Variants in CPNE4 observed in about 807,000 individuals in gnomAD.
CPNE4 encodes copine 4.
CPNE4 carries 25 observed loss-of-function variants against 67.9 expected under a neutral mutation model. The observed-to-expected ratio is 0.37, with a 90% CI of 0.27 to 0.51. The LOEUF (loss-of-function observed/expected upper bound fraction) is 0.51. Ranked by LOEUF, CPNE4 falls within the 20% of genes least tolerant of loss-of-function variation. The pLI is 0.93. For missense variants in CPNE4, 464 were observed against 690.8 expected (o/e 0.67, Z 3.68); for synonymous variants, 242 against 244.9 (o/e 0.99, Z 0.11).
At chr3:132,002,788 C>A (rs1255899066) in intron 1 of CPNE4, among the ~76,000 whole-genome samples, 1 of 152,002 alleles carries the variant, frequency 6.6e-6, no homozygotes, top group Non-Finnish European at 1.5e-5. Context: ...AACAAGTATC[C>A]TTTGTAATAA....
chr3:131,727,078 T>C (rs2082017691), intron 2 of CPNE4, among the ~76,000 whole-genome samples: 1 of 152,346 alleles, frequency 6.6e-6, no homozygotes, highest in Admixed American at 6.5e-5. Flanking sequence ...TCATGTGATA[T>C]AGTTGTATAC....
At chr3:131,792,685 G>GTGTGTATA (rs2083783970) in intron 2 of CPNE4, among the ~76,000 whole-genome samples, 2 of 42,942 alleles carry the variant, frequency 4.7e-5, no homozygotes, top group African/African-American at 2.1e-4. Context: ...ATATACACAC[G>GTGTGTATA]TGTATATATA....
intron 2 of CPNE4, among the ~76,000 whole-genome samples, chr3:131,727,697 A>C (rs1410287219): frequency 2.0e-5 from 3 of 152,144 alleles, no homozygotes; most frequent in Admixed American, 2.0e-4. Context: ...CAATCAAGAG[A>C]GTGAGCATAT....
intron 2 of CPNE4, among the ~76,000 whole-genome samples, chr3:131,806,104 A>G (rs2084298959): frequency 6.6e-6 from 1 of 152,226 alleles, no homozygotes; most frequent in Non-Finnish European, 1.5e-5. Context: ...CTTAAATATA[A>G]CTGGATGCTT....
rs773483681 is a variant in CPNE4 at position 131,581,575 on chromosome 3, A to C, written c.867+4T>G. ...ACTCCTGGAAGAGAGGGTTGTGTACATACCTTGCACAGATTCAGAATCACA... is the reference window on the plus strand; with the variant it reads ...ACTCCTGGAAGAGAGGGTTGTGTACCTACCTTGCACAGATTCAGAATCACA... On this transcript the variant is annotated splice_donor_region_variant and intron_variant, in intron 9 of 15. Transcript: ENST00000429747. The C allele has an allele frequency of 7.5e-6, 12 of 1,603,632 alleles. No homozygotes were observed. In the East Asian group the frequency reaches 2.2e-4, roughly 30 times the overall value.
intron 10 of CPNE4, among the ~76,000 whole-genome samples, chr3:131,570,907 T>C (rs549554762): frequency 1.3e-5 from 2 of 152,098 alleles, no homozygotes; most frequent in Non-Finnish European, 2.9e-5. Flanking sequence ...ATAGTCTGAT[T>C]CTAGCTTAAA....
intron 2 of CPNE4, among the ~76,000 whole-genome samples, chr3:131,859,268 C>T (rs150815415): frequency 0.013 from 2,009 of 152,158 alleles, 43 homozygotes; most frequent in African/African-American, 0.044. Flanking sequence ...TATATGGTAA[C>T]CTCATCCATG....
chr3:131,801,271 T>C (rs990149590), intron 2 of CPNE4, among the ~76,000 whole-genome samples: 4 of 149,530 alleles, frequency 2.7e-5, no homozygotes, highest in African/African-American at 9.9e-5. Flanking sequence ...TGAAATAGGG[T>C]CCGCTTTGTT....
In CPNE4 at chr3:131,943,434, G is replaced by A. The variant is rs528303454; in HGVS notation, c.-1-37990C>T. Among the ~76,000 whole-genome samples, 6 of 152,248 alleles carry A rather than the reference G, an allele frequency of 3.9e-5. No individual in the cohort carries two copies. In the South Asian group the frequency reaches 1.2e-3, roughly 32 times the overall value. ...ATGAAAAGAGTTCTTACCTATCACA[G>A]GACCTGATACAGATCTGAGAGCTCA... On this transcript the variant is annotated intron_variant, in intron 1 of 15. Coordinates refer to ENST00000429747, the MANE Select transcript of CPNE4 (RefSeq NM_130808.3).
intron 2 of CPNE4, among the ~76,000 whole-genome samples, chr3:131,888,547 A>C (rs1283403890): frequency 6.6e-6 from 1 of 152,154 alleles, no homozygotes; most frequent in Non-Finnish European, 1.5e-5. Flanking sequence ...CTATAAACTG[A>C]CCCCAAGAAC....
chr3:131,611,047 A>T (rs79116710), intron 7 of CPNE4, among the ~76,000 whole-genome samples: 4,279 of 152,298 alleles, frequency 0.028, 67 homozygotes, highest in Middle Eastern at 0.051. Context: ...GTGATATAAA[A>T]TTCCTGTTTT....
chr3:131,943,118 G>A (rs1205296146), intron 1 of CPNE4, among the ~76,000 whole-genome samples: 1 of 152,124 alleles, frequency 6.6e-6, no homozygotes, highest in African/African-American at 2.4e-5. Context: ...TAACACCCAC[G>A]GAGGGCATTA....
At chr3:131,869,017 G>A (rs2087080195) in intron 2 of CPNE4, among the ~76,000 whole-genome samples, 1 of 152,158 alleles carries the variant, frequency 6.6e-6, no homozygotes, top group Admixed American at 6.6e-5. Flanking sequence ...ACGTTACCAA[G>A]GTTGCTGTGA....
rs1254151346 is a variant in CPNE4, at chr3:131,596,446, C to T, written c.682-8864G>A. On this transcript the variant is annotated intron_variant, in intron 7 of 15. Coordinates refer to ENST00000429747, the MANE Select transcript of CPNE4 (RefSeq NM_130808.3). ...GACCATCCCGGCTAAAACGGTGAAA[C>T]CCCGTCTCTACTAAAAATACAAAAA... is the stretch of plus-strand genomic sequence containing the variant. 2.4e-5 allele frequency among the ~76,000 whole-genome samples: 3 copies of T among 123,232 alleles called. 1 individual carries two copies. The highest frequency in any genetic ancestry group is 4.6e-4 in the East Asian group (2 of 4,378). 80.8% of individuals were successfully genotyped at this position (123,232 alleles called of 152,430 possible). A position where few individuals can be genotyped will look rare whatever the true frequency, so the allele number is the denominator to read the frequency against.
chr3:131,560,675 T>C (rs1284189570), intron 11 of CPNE4, among the ~76,000 whole-genome samples: 1 of 152,068 alleles, frequency 6.6e-6, no homozygotes, highest in African/African-American at 2.4e-5. Flanking sequence ...AATTTTTCTG[T>C]CTTTACAGCT....
chr3:132,036,891 A>G (rs547884456), upstream of CPNE4, among the ~76,000 whole-genome samples: 4 of 152,340 alleles, frequency 2.6e-5, no homozygotes, highest in East Asian at 7.7e-4. Context: ...ATTTCCAGGC[A>G]ATCTGTTAGG....
intron 2 of CPNE4, among the ~76,000 whole-genome samples, chr3:131,790,474 C>A (rs985769547): frequency 2.0e-5 from 3 of 152,128 alleles, no homozygotes; most frequent in African/African-American, 7.2e-5. Flanking sequence ...CTCTAACAGG[C>A]ACCTTTCTTA....
intron 2 of CPNE4, among the ~76,000 whole-genome samples, chr3:131,786,132 T>C (rs2083556619): frequency 6.6e-6 from 1 of 152,166 alleles, no homozygotes. Flanking sequence ...TTAGATCTTA[T>C]AGCTTTATGA....
chr3:131,748,231 T>A (rs374562202), intron 2 of CPNE4, among the ~76,000 whole-genome samples: 3 of 152,080 alleles, frequency 2.0e-5, no homozygotes, highest in African/African-American at 4.8e-5. Context: ...TGTAATAGAT[T>A]GATTGGTTTT....
Sources: allele counts gnomAD v4.1 joint callset (sites outside exome capture counted in the v4.1 genomes callset), GRCh38; gene constraint gnomAD v4.1.1; transcripts MANE v1.5; gene names NCBI Gene and HGNC (gene_info 2026-07-23, HGNC 2026-07-21).